The following PCMT1 variants were observed in gnomAD, a reference collection of about 807,000 sequenced individuals.
PCMT1 encodes protein-L-isoaspartate(D-aspartate) O-methyltransferase.
PCMT1 carries 9 observed loss-of-function variants against 29.2 expected under a neutral mutation model. That is an observed-to-expected ratio of 0.31 (90% CI 0.19 to 0.54). PCMT1 has a LOEUF of 0.54. Among genes scored for constraint, PCMT1 ranks in the 20% least tolerant of loss-of-function variants. The pLI, the probability that PCMT1 is intolerant of heterozygous loss-of-function variation, is 0.95. For missense variants in PCMT1, 184 were observed against 282.2 expected (o/e 0.65, Z 2.49); for synonymous variants, 98 against 97.5 (o/e 1.00, Z -0.03).
At chr6:149,758,223 T>TTTTTTTTTTTTTTTTTTC (rs1215433831) in intron 1 of PCMT1, among the ~76,000 whole-genome samples, 1 of 139,166 alleles carries the variant, frequency 7.2e-6, no homozygotes, top group Admixed American at 7.6e-5. Flanking sequence ...TTTTTTTTTT[T>TTTTTTTTTTTTTTTTTTC]TTTCTGAGAC....
At chr6:149,769,597 A>T (rs138838628) in intron 1 of PCMT1, among the ~76,000 whole-genome samples, 1 of 151,674 alleles carries the variant, frequency 6.6e-6, no homozygotes, top group East Asian at 1.9e-4. Context: ...TACAGGTGTG[A>T]GCTACCGTGC....
intron 1 of PCMT1, among the ~76,000 whole-genome samples, chr6:149,758,373 G>A (rs1786602991): frequency 8.4e-6 from 1 of 118,904 alleles, no homozygotes; most frequent in African/African-American, 3.3e-5. Flanking sequence ...ACCACGCCTG[G>A]CTAATTTTTG....
intron 3 of PCMT1, among the ~76,000 whole-genome samples, chr6:149,778,129 G>A (rs1406207234): frequency 6.6e-6 from 1 of 151,516 alleles, no homozygotes; most frequent in Non-Finnish European, 1.5e-5. Flanking sequence ...TGCCTGACTC[G>A]GCCTCCCAAA....
At position 149,758,208 on chromosome 6, in the gene PCMT1, C is replaced by CTTTTT. The variant is rs756014067; in HGVS notation, c.55+8266_55+8270dup. Among the ~76,000 whole-genome samples the CTTTTT allele has an allele frequency of 2.6e-4, 19 of 73,894 alleles. 1 individual carries two copies. Among genetic ancestry groups the CTTTTT allele is most frequent in the South Asian group, 4.5e-4 (1 of 2,234 alleles). 48.5% of individuals were successfully genotyped at this position (73,894 alleles called of 152,430 possible). ...CAATTTTTTTTTTCTTTCTTTCTTT[C>CTTTTT]TTTTTTTTTTTTTTTTTTCTGAGAC... On this transcript the variant is annotated intron_variant, in intron 1 of 7. Coordinates refer to ENST00000464889, the MANE Select transcript of PCMT1 (RefSeq NM_001360452.2).
chr6:149,784,452 A>G (rs180973266), intron 3 of PCMT1, among the ~76,000 whole-genome samples: 2 of 152,148 alleles, frequency 1.3e-5, no homozygotes, highest in African/African-American at 2.4e-5. Flanking sequence ...ACAATTTACT[A>G]ATCTTGTTTT....
At chr6:149,765,087 C>T (rs538898548) in intron 1 of PCMT1, among the ~76,000 whole-genome samples, 7 of 149,282 alleles carry the variant, frequency 4.7e-5, no homozygotes, top group African/African-American at 7.4e-5. Flanking sequence ...CGGCCAGGTG[C>T]GGTGGCTCAC....
intron 1 of PCMT1, among the ~76,000 whole-genome samples, chr6:149,768,918 C>T (rs759107132): frequency 1.3e-5 from 2 of 152,058 alleles, no homozygotes; most frequent in African/African-American, 2.4e-5. Context: ...TTAGCCACCG[C>T]GCCAGCCTGG....
At position 149,749,761 on chromosome 6, in the gene PCMT1, G is replaced by GACGGCAGTAACAGCGGCAGCT; in HGVS notation, c.-138_-118dup. 8 of 1,547,028 alleles carry GACGGCAGTAACAGCGGCAGCT rather than the reference G, an allele frequency of 5.2e-6. No individual in the cohort carries two copies. The highest frequency in any genetic ancestry group is 3.5e-6 in the Non-Finnish European group (4 of 1,144,972). ...AGCGCGCAGTGGCGGCAGCGGCGGC[G>GACGGCAGTAACAGCGGCAGCT]ACGGCAGTAACAGCGGCAGCTACAG... is the stretch of plus-strand genomic sequence containing the variant. On this transcript the variant is annotated 5_prime_UTR_variant, in exon 1 of 8. Transcript: ENST00000464889.
chr6:149,763,441 T>G (rs2115228481), intron 1 of PCMT1, among the ~76,000 whole-genome samples: 1 of 151,932 alleles, frequency 6.6e-6, no homozygotes, highest in South Asian at 2.1e-4. Flanking sequence ...GTGAAAATTT[T>G]GGAAACCACC....
Position 149,788,134 on chromosome 6 carries a change from G to A in PCMT1, c.193-1820G>A, listed in dbSNP as rs966749227. 3.9e-5 allele frequency among the ~76,000 whole-genome samples: 6 copies of A among 151,966 alleles called. No individual in the cohort carries two copies. The East Asian group carries it at 1.2e-3, about 30-fold the overall frequency. On this transcript the variant is annotated intron_variant, in intron 3 of 7. Coordinates refer to ENST00000464889, the MANE Select transcript of PCMT1 (RefSeq NM_001360452.2). The stretch of plus-strand genomic sequence containing the variant: ...GGGTTTTACTGTGTTAGCCAGGATG[G>A]TCTCGATCTCCTGACCTCGTGATCC...
chr6:149,794,665 C>T, intron 5 of PCMT1: 1 of 248,380 alleles, frequency 4.0e-6, no homozygotes, highest in Non-Finnish European at 6.9e-6. Context: ...CTAGTAGCCA[C>T]AGCCATCCCC....
intron 3 of PCMT1, among the ~76,000 whole-genome samples, chr6:149,774,654 C>CAG (rs897402688): frequency 6.6e-6 from 1 of 150,880 alleles, no homozygotes; most frequent in African/African-American, 2.4e-5. Flanking sequence ...TCTCTTGCCT[C>CAG]AGCCTCCCTA....
intron 3 of PCMT1, among the ~76,000 whole-genome samples, chr6:149,787,523 G>A (rs1422100158): frequency 3.3e-5 from 5 of 151,704 alleles, no homozygotes; most frequent in Non-Finnish European, 4.4e-5. Context: ...CACCACGCCC[G>A]GCTAATTTTT....
intron 3 of PCMT1, among the ~76,000 whole-genome samples, chr6:149,787,615 G>A (rs9688803): frequency 0.53 from 80,661 of 151,836 alleles, 24,641 homozygotes; most frequent in East Asian, 0.83. Context: ...TGCCCGCCTC[G>A]GCCTCTCAAA....
intron 1 of PCMT1, among the ~76,000 whole-genome samples, chr6:149,763,902 T>C (rs1786963724): frequency 6.6e-6 from 1 of 152,036 alleles, no homozygotes; most frequent in African/African-American, 2.4e-5. Flanking sequence ...ACACTAAGAG[T>C]GTCATGTGAG....
rs1776137558 is a variant in PCMT1 at position 149,810,718 on chromosome 6, G to C, written c.*140G>C. The C allele has an allele frequency of 2.1e-6, 2 of 974,000 alleles. No homozygotes were observed. Among genetic ancestry groups the C allele is most frequent in the Admixed American group, 2.1e-5 (1 of 46,892 alleles). The allele number at this position is 974,000 out of a possible 1,614,324, so 60.3% of individuals were successfully genotyped here. A position where few individuals can be genotyped will look rare whatever the true frequency, so the allele number is the denominator to read the frequency against. ...TTGAAAACCAACACCATCACAGCTTGTTTTGGACTTTGTTACACTGTTATT... is the reference window on the plus strand; with the variant it reads ...TTGAAAACCAACACCATCACAGCTTCTTTTGGACTTTGTTACACTGTTATT... On this transcript the variant is annotated 3_prime_UTR_variant, in exon 8 of 8. Transcript: ENST00000464889.
At position 149,796,800 on chromosome 6, in the gene PCMT1, GTTTGTTT is replaced by G. The variant is rs201674143; in HGVS notation, c.504+324_504+330del. ...CCTGATAATCAGGTTTTTTTTGTTT[GTTTGTTT>G]TTTGTTTTTTGTTTTTTGTTTTTGA... On this transcript the variant is annotated intron_variant, in intron 6 of 7. Transcript: ENST00000464889. 5.0e-3 allele frequency: 1,193 copies of G among 239,426 alleles called. 9 individuals carry two copies. Among genetic ancestry groups the G allele is most frequent in the South Asian group, 6.8e-3 (47 of 6,880 alleles). 14.8% of individuals were successfully genotyped at this position (239,426 alleles called of 1,614,324 possible).
chr6:149,761,015 G>T (rs1786714322), intron 1 of PCMT1, among the ~76,000 whole-genome samples: 1 of 143,666 alleles, frequency 7.0e-6, no homozygotes, highest in African/African-American at 2.7e-5. Flanking sequence ...TATAGAGGAT[G>T]CAGGTAAAAA....
chr6:149,790,164 A>G (rs772380775), intron 4 of PCMT1, 106 bp downstream of exon 4: 11 of 690,472 alleles, frequency 1.6e-5, no homozygotes, highest in South Asian at 5.7e-5. Flanking sequence ...TGTTAATTCT[A>G]TTAGGATAGC....
Sources: allele counts gnomAD v4.1 joint callset (sites outside exome capture counted in the v4.1 genomes callset), GRCh38; gene constraint gnomAD v4.1.1; transcripts MANE v1.5; gene names NCBI Gene and HGNC (gene_info 2026-07-23, HGNC 2026-07-21).